ZNF718: variants seen among roughly 807,000 people sequenced by gnomAD.
ZNF718 encodes zinc finger protein 718.
A neutral mutation model predicts 2.6 loss-of-function variants in ZNF718; 3 were observed. That is an observed-to-expected ratio of 1.16 (90% CI 0.53 to 3.01). The LOEUF (loss-of-function observed/expected upper bound fraction) is 3.01, where lower values mean the gene tolerates loss of function less well. Among genes scored for constraint, ZNF718 ranks in the 30% most tolerant of loss-of-function variants. ZNF718 has a pLI of 0.03. For missense variants in ZNF718, 468 were observed against 230.0 expected, an observed-to-expected ratio of 2.03 and a Z score of -6.69; for synonymous variants, 135 against 77.9, an observed-to-expected ratio of 1.73 and a Z score of -3.86.
chr4:143,761 C>G (rs948870123), intron 3 of ZNF718, among the ~76,000 whole-genome samples: 61 of 152,128 alleles, frequency 4.0e-4, no homozygotes, highest in African/African-American at 1.4e-3. Flanking sequence ...AGTGAAATCT[C>G]CAGCCAGTTC....
In ZNF718 at chr4:161,636, C is replaced by T. The variant is rs782410101; in HGVS notation, c.951C>T (p.Gly317=). The T allele has an allele frequency of 1.2e-5, 9 of 779,668 alleles. No individual in the cohort carries two copies. Among genetic ancestry groups the T allele is most frequent in the Admixed American group, 1.7e-5 (1 of 58,790 alleles). The allele number at this position is 779,668 out of a possible 1,614,324, so 48.3% of individuals were successfully genotyped here. Residue 317 remains glycine (G), a synonymous_variant, in exon 4 of 4, where the codon GGC becomes GGT. Transcript: ENST00000510175. ...GEKPFSCEEC[G]NVFTTSSDFA... is the part of the protein sequence containing the mutation. ...AACCCTTCTCATGCGAAGAATGTGG[C>T]AATGTCTTTACCACATCCTCAGACT... is the stretch of plus-strand genomic sequence containing the variant.
At chr4:143,628 T>A (rs1266335911) in intron 3 of ZNF718, among the ~76,000 whole-genome samples, 3 of 152,184 alleles carry the variant, frequency 2.0e-5, no homozygotes, top group Non-Finnish European at 2.9e-5. Flanking sequence ...CAAATCAGGT[T>A]TTTTTTCTCC....
chr4:197,749 A>G (rs1308798392), intron 3 of ZNF718, among the ~76,000 whole-genome samples: 2 of 152,152 alleles, frequency 1.3e-5, no homozygotes, highest in Non-Finnish European at 2.9e-5. Flanking sequence ...GGTGGAAAGC[A>G]CTCACTGACT....
intron 3 of ZNF718, among the ~76,000 whole-genome samples, chr4:140,053 C>G (rs1230758616): frequency 6.6e-6 from 1 of 152,024 alleles, no homozygotes; most frequent in Non-Finnish European, 1.5e-5. Context: ...GGTCCCCGAT[C>G]CCTATGTGTG....
chr4:200,161 A>C (rs1204592718), intron 3 of ZNF718, among the ~76,000 whole-genome samples: 3 of 152,254 alleles, frequency 2.0e-5, no homozygotes, highest in African/African-American at 7.2e-5. Flanking sequence ...ATACACAAAC[A>C]CTGCAGACAA....
At chr4:184,947 AAAG>A (rs1423239154) in intron 3 of ZNF718, among the ~76,000 whole-genome samples, 2 of 152,086 alleles carry the variant, frequency 1.3e-5, no homozygotes, top group Admixed American at 1.3e-4. Flanking sequence ...TTTTTTCAAA[AAAG>A]CTCCTGGATT....
intron 3 of ZNF718, among the ~76,000 whole-genome samples, chr4:178,126 T>A (rs1717385983): frequency 6.6e-6 from 1 of 151,000 alleles, no homozygotes; most frequent in African/African-American, 2.4e-5. Context: ...GATTGCTGGA[T>A]TGTATGATAA....
intron 3 of ZNF718, among the ~76,000 whole-genome samples, chr4:138,134 T>A (rs1281405160): frequency 6.6e-6 from 1 of 152,244 alleles, no homozygotes; most frequent in Non-Finnish European, 1.5e-5. Context: ...TTCTTTGTTT[T>A]ACAGACAACC....
downstream of ZNF718, among the ~76,000 whole-genome samples, chr4:165,813 T>C (rs1169139950): frequency 1.3e-5 from 2 of 152,194 alleles, no homozygotes; most frequent in East Asian, 1.9e-4. Flanking sequence ...GAAGGAAATT[T>C]CTTGGAGACA....
At chr4:189,059 ATTTT>A (rs1228743332) in intron 3 of ZNF718, among the ~76,000 whole-genome samples, 1 of 134,828 alleles carries the variant, frequency 7.4e-6, no homozygotes, top group Non-Finnish European at 1.6e-5. Context: ...TCTGTAGATT[ATTTT>A]TTTTTTTTTT....
At chr4:177,927 C>T (rs1309660508) in intron 3 of ZNF718, among the ~76,000 whole-genome samples, 2 of 151,992 alleles carry the variant, frequency 1.3e-5, no homozygotes, top group African/African-American at 2.4e-5. Context: ...AAATCTCATG[C>T]TCCAAAGACA....
chr4:147,825 C>G (rs1387761119), intron 3 of ZNF718, among the ~76,000 whole-genome samples: 1 of 152,122 alleles, frequency 6.6e-6, no homozygotes, highest in Admixed American at 6.5e-5. Context: ...GATCACACCA[C>G]TGCACTCCAT....
Position 160,796 on chromosome 4 carries a change from C to T in ZNF718, c.227-116C>T, listed in dbSNP as rs1374276253. On this transcript the variant is annotated intron_variant, in intron 3 of 3. Coordinates refer to ENST00000510175, the MANE Select transcript of ZNF718 (RefSeq NM_001039127.6). ...TCGAACTCCTTACCTCATTATTTGC[C>T]CACCTTGGCCTCGGAAACTGCTGGA... 39 of 624,412 alleles carry T rather than the reference C, an allele frequency of 6.2e-5. No individual in the cohort carries two copies. In the African/African-American group the frequency reaches 6.6e-4, roughly 11 times the overall value. 38.7% of individuals were successfully genotyped at this position (624,412 alleles called of 1,614,324 possible). A position where few individuals can be genotyped will look rare whatever the true frequency, so the allele number is the denominator to read the frequency against.
At chr4:145,771 A>G (rs910318291) in intron 3 of ZNF718, among the ~76,000 whole-genome samples, 4 of 152,166 alleles carry the variant, frequency 2.6e-5, no homozygotes, top group African/African-American at 9.7e-5. Flanking sequence ...CTTTTTTTAA[A>G]AAAACCAAAC....
In ZNF718 at chr4:124,590, GC is replaced by G; in HGVS notation, c.-79del. The G allele has an allele frequency of 6.3e-7, 1 of 1,584,088 alleles. No individual in the cohort carries two copies. The highest frequency in any genetic ancestry group is 1.7e-4 in the Middle Eastern group (1 of 6,016). ...GGGAAGCCTCGGTGATTCTGCCACA[GC>G]CTCAGCCTCTGTGGCTCTGTGACCT... On this transcript the variant is annotated 5_prime_UTR_variant, in exon 1 of 4. Coordinates refer to ENST00000510175, the MANE Select transcript of ZNF718 (RefSeq NM_001039127.6).
chr4:164,663 G>A (rs1431950101), downstream of ZNF718, among the ~76,000 whole-genome samples: 1 of 152,130 alleles, frequency 6.6e-6, no homozygotes, highest in Non-Finnish European at 1.5e-5. Flanking sequence ...TTCACAATGT[G>A]TGTGTTAAGT....
intron 3 of ZNF718, among the ~76,000 whole-genome samples, chr4:148,557 A>G (rs1483354393): frequency 6.6e-6 from 1 of 151,018 alleles, no homozygotes; most frequent in Non-Finnish European, 1.5e-5. Context: ...TGCAGTGAGC[A>G]AATATCACGC....
intron 3 of ZNF718, among the ~76,000 whole-genome samples, chr4:198,859 C>T (rs1376601404): frequency 6.6e-6 from 1 of 152,192 alleles, no homozygotes; most frequent in African/African-American, 2.4e-5. Context: ...CTGATGGTGA[C>T]TGTGTGCATG....
At chr4:195,656 A>AT (rs1223031883) in intron 3 of ZNF718, among the ~76,000 whole-genome samples, 3 of 151,612 alleles carry the variant, frequency 2.0e-5, no homozygotes, top group African/African-American at 7.3e-5. Context: ...TCTAAAAGTT[A>AT]TTTTTTTACT....
Sources: gnomAD v4.1 joint callset for allele counts (sites outside exome capture counted in the v4.1 genomes callset) on GRCh38, gnomAD v4.1.1 for gene constraint, MANE v1.5 for transcripts, NCBI Gene and HGNC (gene_info 2026-07-23, HGNC 2026-07-21) for gene names.